The following JAM3 variants were observed in gnomAD, a reference collection of about 807,000 sequenced individuals.
The protein encoded by JAM3 is junctional adhesion molecule C.
JAM3 carries 31 observed loss-of-function variants against 39.4 expected under a neutral mutation model. That is an observed-to-expected ratio of 0.79 (90% confidence interval 0.59 to 1.06). The LOEUF (loss-of-function observed/expected upper bound fraction) is 1.06. Ranked by LOEUF, JAM3 falls within the 50% of genes least tolerant of loss-of-function variation. The pLI is 0.00. For missense variants in JAM3, 455 were observed against 391.4 expected (o/e 1.16, Z -1.37); for synonymous variants, 182 against 148.7 (o/e 1.22, Z -1.63).
At position 134,140,627 on chromosome 11, in the gene JAM3, C is replaced by T. The variant is rs534770258; in HGVS notation, c.143-30C>T. 2.4e-5 allele frequency: 37 copies of T among 1,572,622 alleles called. No individual in the cohort carries two copies. The African/African-American group carries it at 3.4e-4, about 14-fold the overall frequency. On this transcript the variant is annotated intron_variant, in intron 2 of 8. Coordinates refer to ENST00000299106, the MANE Select transcript of JAM3 (RefSeq NM_032801.5). ...GAACGTAGAAGCACTCCACATTCAC[C>T]GAGAGCTCTTTTTCTTCTTTGCGTG... is the stretch of plus-strand genomic sequence containing the variant.
At chr11:134,117,629 T>C (rs990523545) in intron 1 of JAM3, among the ~76,000 whole-genome samples, 1 of 152,234 alleles carries the variant, frequency 6.6e-6, no homozygotes, top group African/African-American at 2.4e-5. Flanking sequence ...ATGTTAAACC[T>C]AAAGCCCAGG....
chr11:134,129,104 C>T (rs540414481), intron 1 of JAM3, among the ~76,000 whole-genome samples: 1 of 150,686 alleles, frequency 6.6e-6, no homozygotes, highest in Non-Finnish European at 1.5e-5. Context: ...AGGCACATCC[C>T]TGGTATCTCT....
intron 1 of JAM3, 141 bp downstream of exon 1, chr11:134,069,300 G>GGC (rs1324074135): frequency 1.7e-6 from 2 of 1,178,498 alleles, no homozygotes; most frequent in Admixed American, 4.6e-5. Flanking sequence ...CCGGAGGGGC[G>GGC]GCGCGCGCCC....
intron 1 of JAM3, among the ~76,000 whole-genome samples, chr11:134,098,242 G>C (rs557556206): frequency 2.0e-5 from 3 of 152,092 alleles, no homozygotes; most frequent in South Asian, 4.1e-4. Context: ...GTTTACAAAT[G>C]GACTGCTTTT....
At chr11:134,121,070 G>C (rs74820848) in intron 1 of JAM3, among the ~76,000 whole-genome samples, 3,172 of 152,254 alleles carry the variant, frequency 0.021, 113 homozygotes, top group African/African-American at 0.072. Flanking sequence ...TCCCAAATGG[G>C]GCTGTGCATA....
chr11:134,149,336 C>T lies in JAM3; in HGVS notation c.*155C>T. 5 of 785,272 alleles carry T rather than the reference C, an allele frequency of 6.4e-6. No homozygotes were observed. The highest frequency in any genetic ancestry group is 1.1e-5 in the Non-Finnish European group (5 of 467,530). The allele number at this position is 785,272 out of a possible 1,614,324, so 48.6% of individuals were successfully genotyped here. A position where few individuals can be genotyped will look rare whatever the true frequency, so the allele number is the denominator to read the frequency against. On this transcript the variant is annotated 3_prime_UTR_variant, in exon 9 of 9. Coordinates refer to ENST00000299106, the MANE Select transcript of JAM3 (RefSeq NM_032801.5). ...CCAAAGTTGACCACTACTCTTCTTA[C>T]TCTAACAAGCCACATGAATAGAAGA...
At chr11:134,104,108 G>C (rs1458831878) in intron 1 of JAM3, among the ~76,000 whole-genome samples, 3 of 152,166 alleles carry the variant, frequency 2.0e-5, no homozygotes, top group African/African-American at 7.2e-5. Context: ...ATACTTGGAA[G>C]TAAAGCACTC....
At chr11:134,079,930 T>A (rs1026842862) in intron 1 of JAM3, among the ~76,000 whole-genome samples, 6 of 152,236 alleles carry the variant, frequency 3.9e-5, no homozygotes, top group Non-Finnish European at 5.9e-5. Flanking sequence ...CCTTCCTCTA[T>A]CGAGAGAGGT....
Position 134,098,815 on chromosome 11 carries a change from A to G in JAM3, c.76+29656A>G, listed in dbSNP as rs559329850. Among the ~76,000 whole-genome samples, 4 of 152,266 alleles carry G rather than the reference A, an allele frequency of 2.6e-5. No homozygotes were observed. In the South Asian group the frequency reaches 8.3e-4, roughly 32 times the overall value. On this transcript the variant is annotated intron_variant, in intron 1 of 8. Coordinates refer to ENST00000299106, the MANE Select transcript of JAM3 (RefSeq NM_032801.5). ...GGGATAGCTCAGTAAGCACTCCTTC[A>G]GCTAGCATGTTTCCCACTAACATTC...
intron 1 of JAM3, among the ~76,000 whole-genome samples, chr11:134,108,919 A>G (rs983315825): frequency 2.6e-5 from 4 of 152,232 alleles, no homozygotes; most frequent in African/African-American, 9.6e-5. Context: ...AGGTAATATT[A>G]TATTATTGGT....
Position 134,139,766 on chromosome 11 carries a change from C to G in JAM3, c.77-85C>G, listed in dbSNP as rs182974192. 2.5e-4 allele frequency: 259 copies of G among 1,016,654 alleles called. No homozygotes were observed. In the African/African-American group the frequency reaches 3.7e-3, roughly 14 times the overall value. The allele number at this position is 1,016,654 out of a possible 1,614,324, so 63.0% of individuals were successfully genotyped here. Reference sequence around the variant, plus strand: ...CTGTGGTTAGTAACCATAGCCTACGCAGACGGGAAAACCTGACCTCAGTGC... The same window carrying G: ...CTGTGGTTAGTAACCATAGCCTACGGAGACGGGAAAACCTGACCTCAGTGC... On this transcript the variant is annotated intron_variant, in intron 1 of 8. Transcript: ENST00000299106.
chr11:134,106,539 A>G (rs1034608552), intron 1 of JAM3, among the ~76,000 whole-genome samples: 3 of 152,244 alleles, frequency 2.0e-5, no homozygotes, highest in Admixed American at 1.3e-4. Context: ...AGAAACTACC[A>G]TCAGAGTGAA....
intron 1 of JAM3, among the ~76,000 whole-genome samples, chr11:134,081,527 C>T (rs1192063850): frequency 6.6e-6 from 1 of 152,250 alleles, no homozygotes; most frequent in African/African-American, 2.4e-5. Context: ...AGCCCCAAGC[C>T]TTGCAGCTTC....
chr11:134,112,931 G>C (rs1238499647), intron 1 of JAM3, among the ~76,000 whole-genome samples: 2 of 152,120 alleles, frequency 1.3e-5, no homozygotes, highest in African/African-American at 4.8e-5. Flanking sequence ...AGTTATATAT[G>C]CTGTCTTCTG....
chr11:134,133,417 G>C (rs144571397), intron 1 of JAM3, among the ~76,000 whole-genome samples: 2 of 152,124 alleles, frequency 1.3e-5, no homozygotes, highest in Non-Finnish European at 2.9e-5. Flanking sequence ...TGAATATGCT[G>C]TCAGCTATAG....
At position 134,120,779 on chromosome 11, in the gene JAM3, C is replaced by T. The variant is rs566131858; in HGVS notation, c.77-19072C>T. Among the ~76,000 whole-genome samples, 3 of 152,294 alleles carry T rather than the reference C, an allele frequency of 2.0e-5. No individual in the cohort carries two copies. The East Asian group carries it at 5.8e-4, about 29-fold the overall frequency. On this transcript the variant is annotated intron_variant, in intron 1 of 8. Coordinates refer to ENST00000299106, the MANE Select transcript of JAM3 (RefSeq NM_032801.5). ...CACGCCATTATGTGAAAACTCTTAGCAAAATCCATCAAAATGAGCCAGGCT... is the reference window on the plus strand; with the variant it reads ...CACGCCATTATGTGAAAACTCTTAGTAAAATCCATCAAAATGAGCCAGGCT...
At chr11:134,125,472 A>T (rs1942631245) in intron 1 of JAM3, among the ~76,000 whole-genome samples, 1 of 152,130 alleles carries the variant, frequency 6.6e-6, no homozygotes, top group Non-Finnish European at 1.5e-5. Context: ...TTCTGGATAG[A>T]TTTTAATATT....
intron 1 of JAM3, among the ~76,000 whole-genome samples, chr11:134,129,002 G>C (rs915166875): frequency 2.0e-5 from 3 of 152,130 alleles, no homozygotes; most frequent in African/African-American, 7.2e-5. Context: ...CCAAAATCAA[G>C]GTGCTGGCAG....
chr11:134,076,151 C>CTT (rs551303530), intron 1 of JAM3, among the ~76,000 whole-genome samples: 39 of 120,398 alleles, frequency 3.2e-4, no homozygotes, highest in Non-Finnish European at 4.8e-4. Flanking sequence ...TCTTTTCTTT[C>CTT]TTTTTTTTTT....
Sources: allele counts gnomAD v4.1 joint callset (sites outside exome capture counted in the v4.1 genomes callset), GRCh38; gene constraint gnomAD v4.1.1; transcripts MANE v1.5; gene names NCBI Gene and HGNC (gene_info 2026-07-23, HGNC 2026-07-21).